Variants in TPP2 observed in about 807,000 individuals in gnomAD.
TPP2 encodes tripeptidyl-peptidase 2.
In TPP2, 34 loss-of-function variants were observed where a neutral mutation model predicts 155.9. The ratio of observed to expected loss-of-function variants is 0.22; its 90% CI spans 0.17 to 0.29. The LOEUF (loss-of-function observed/expected upper bound fraction) is 0.29. TPP2 is among the 10% of genes least tolerant of loss of function. TPP2 has a pLI of 1.00. For synonymous variants in TPP2, 510 were observed against 529.4 expected (o/e 0.96, Z 0.50); for missense variants, 1,028 against 1,522.3 (o/e 0.68, Z 5.40).
At chr13:102,643,158 GC>G (rs1347951971) in intron 16 of TPP2, 63 bp from the exon 17 acceptor site, 1 of 1,462,796 alleles carries the variant, frequency 6.8e-7, no homozygotes, top group Non-Finnish European at 9.0e-7. Flanking sequence ...CATTATTAAA[GC>G]CACTTTATGT....
intron 17 of TPP2, 95 bp from the exon 18 acceptor site, chr13:102,644,462 T>C (rs776808768): frequency 8.4e-6 from 9 of 1,070,126 alleles, no homozygotes; most frequent in Admixed American, 2.8e-5. Context: ...CAGGAAAAGT[T>C]TGAAAACAGA....
intron 18 of TPP2, 90 bp from the exon 19 acceptor site, chr13:102,644,819 A>G: frequency 2.7e-6 from 4 of 1,490,032 alleles, no homozygotes; most frequent in Non-Finnish European, 3.7e-6. Flanking sequence ...GGGTACTTAT[A>G]AACTTTATAT....
rs1885467309 is a variant in TPP2, at chr13:102,678,983, C to T, written c.*667C>T. Reference sequence around the variant, plus strand: ...AGCATCAGAATGAACTCTATGAATACATGTGTAAGTGCCAGACAGCTGAAT... The same window carrying T: ...AGCATCAGAATGAACTCTATGAATATATGTGTAAGTGCCAGACAGCTGAAT... On this transcript the variant is annotated 3_prime_UTR_variant, in exon 30 of 30. Coordinates refer to ENST00000376052, the MANE Select transcript of TPP2 (RefSeq NM_001330588.2). 1 of 152,454 alleles carries T rather than the reference C, an allele frequency of 6.6e-6. No homozygotes were observed. Among genetic ancestry groups the T allele is most frequent in the Non-Finnish European group, 1.5e-5 (1 of 68,018 alleles). 9.4% of individuals were successfully genotyped at this position (152,454 alleles called of 1,614,324 possible).
chr13:102,656,659 A>T (rs989928858), intron 24 of TPP2, among the ~76,000 whole-genome samples: 2 of 152,218 alleles, frequency 1.3e-5, no homozygotes, highest in Non-Finnish European at 2.9e-5. Context: ...GAATGAAGGC[A>T]TAAGCGTCCC....
At chr13:102,637,386 G>T (rs1264584098) in intron 14 of TPP2, 147 bp downstream of exon 14, 1 of 847,224 alleles carries the variant, frequency 1.2e-6, no homozygotes, top group Non-Finnish European at 1.7e-6. Flanking sequence ...AGTTCTTCTG[G>T]TGTGTCTATA....
intron 1 of TPP2, among the ~76,000 whole-genome samples, chr13:102,604,168 A>G (rs995887423): frequency 2.6e-5 from 4 of 152,050 alleles, no homozygotes; most frequent in Admixed American, 1.3e-4. Context: ...TGTGGCATCC[A>G]ATAATGGTGC....
At chr13:102,663,030 TATA>T (rs1475042642) in intron 25 of TPP2, among the ~76,000 whole-genome samples, 12 of 152,196 alleles carry the variant, frequency 7.9e-5, no homozygotes, top group African/African-American at 2.2e-4. Flanking sequence ...TTTAAATAAA[TATA>T]ATAGCTGGTA....
chr13:102,642,705 C>T (rs537522967), intron 16 of TPP2, among the ~76,000 whole-genome samples: 2 of 152,118 alleles, frequency 1.3e-5, no homozygotes, highest in Admixed American at 6.5e-5. Flanking sequence ...AGCGCTGGCT[C>T]AGAGTAAAGT....
intron 6 of TPP2, among the ~76,000 whole-genome samples, chr13:102,625,140 G>GAGCCACCAC (rs1881494052): frequency 7.0e-6 from 1 of 142,056 alleles, no homozygotes; most frequent in Non-Finnish European, 1.5e-5. Context: ...TTATAGGTGT[G>GAGCCACCAC]AGCCACCACG....
intron 27 of TPP2, among the ~76,000 whole-genome samples, chr13:102,665,284 C>T (rs141942047): frequency 6.4e-4 from 97 of 152,132 alleles, no homozygotes; most frequent in African/African-American, 2.3e-3. Context: ...TGTTTATTGT[C>T]CAGTAACATG....
At chr13:102,643,850 T>C (rs970223156) in intron 17 of TPP2, among the ~76,000 whole-genome samples, 8 of 152,212 alleles carry the variant, frequency 5.3e-5, no homozygotes, top group African/African-American at 1.9e-4. Context: ...TGATGACTAG[T>C]CTTTCTTCCA....
At chr13:102,662,561 A>T (rs563113328) in intron 25 of TPP2, among the ~76,000 whole-genome samples, 4 of 152,362 alleles carry the variant, frequency 2.6e-5, no homozygotes, top group African/African-American at 7.2e-5. Flanking sequence ...ATGTAAAACG[A>T]AAGTGTTGAT....
intron 10 of TPP2, among the ~76,000 whole-genome samples, chr13:102,633,033 C>T (rs1355216452): frequency 3.9e-5 from 6 of 152,178 alleles, no homozygotes; most frequent in Non-Finnish European, 8.8e-5. Context: ...TCTAGTGTTT[C>T]TACCCAAGAG....
Position 102,610,411 on chromosome 13 carries a change from G to T in TPP2, c.295-3690G>T, listed in dbSNP as rs181784160. Among the ~76,000 whole-genome samples the T allele has an allele frequency of 3.4e-4, 51 of 152,118 alleles. 1 individual carries two copies. Among genetic ancestry groups the T allele is most frequent in the African/African-American group, 1.2e-3 (50 of 41,484 alleles). Reference sequence around the variant, plus strand: ...GCCCGGCTAATTTTTTGTATTTTTAGTAGAGACTGGGTTTCACCATGCTGG... The same window carrying T: ...GCCCGGCTAATTTTTTGTATTTTTATTAGAGACTGGGTTTCACCATGCTGG... On this transcript the variant is annotated intron_variant, in intron 2 of 29. Coordinates refer to ENST00000376052, the MANE Select transcript of TPP2 (RefSeq NM_001330588.2).
Position 102,649,341 on chromosome 13 carries a change from C to T in TPP2, c.2874-67C>T, listed in dbSNP as rs561415731. 2.0e-5 allele frequency: 30 copies of T among 1,520,330 alleles called. No individual in the cohort carries two copies. In the South Asian group the frequency reaches 3.3e-4, roughly 17 times the overall value. 94.2% of individuals were successfully genotyped at this position (1,520,330 alleles called of 1,614,324 possible). A position where few individuals can be genotyped will look rare whatever the true frequency, so the allele number is the denominator to read the frequency against. ...AGTGTGGAATTGTTTTCATGTTTTT[C>T]CCCTTACTTGTCTTTGTGAAACTTT... On this transcript the variant is annotated intron_variant, in intron 22 of 29. Coordinates refer to ENST00000376052, the MANE Select transcript of TPP2 (RefSeq NM_001330588.2).
At chr13:102,665,825 T>C (rs1226468906) in intron 27 of TPP2, among the ~76,000 whole-genome samples, 1 of 152,168 alleles carries the variant, frequency 6.6e-6, no homozygotes, top group Non-Finnish European at 1.5e-5. Flanking sequence ...TCAGTATTTT[T>C]TTCTACATAA....
chr13:102,637,360 A>C (rs1882448434), intron 14 of TPP2, 121 bp downstream of exon 14: 5 of 1,049,622 alleles, frequency 4.8e-6, no homozygotes, highest in Non-Finnish European at 4.0e-6. Flanking sequence ...AGACCTATCC[A>C]TCTGCCAGGT....
intron 13 of TPP2, 114 bp from the exon 14 acceptor site, chr13:102,636,968 C>T (rs1882421733): frequency 2.0e-6 from 2 of 977,674 alleles, no homozygotes; most frequent in Non-Finnish European, 2.9e-6. Flanking sequence ...GTTTTGGATG[C>T]ATTTTACAGC....
intron 11 of TPP2, among the ~76,000 whole-genome samples, chr13:102,635,333 C>T (rs1595170034): frequency 6.6e-6 from 1 of 152,142 alleles, no homozygotes; most frequent in Non-Finnish European, 1.5e-5. Flanking sequence ...TTATATTACG[C>T]CACAAAGCCC....
Sources: gnomAD v4.1 joint callset for allele counts (sites outside exome capture counted in the v4.1 genomes callset) on GRCh38, gnomAD v4.1.1 for gene constraint, MANE v1.5 for transcripts, NCBI Gene and HGNC (gene_info 2026-07-23, HGNC 2026-07-21) for gene names.